The following SLC6A11 variants were observed in gnomAD, a reference collection of about 807,000 sequenced individuals.
SLC6A11 encodes the protein sodium- and chloride-dependent GABA transporter 3.
SLC6A11 carries 25 observed loss-of-function variants against 74.8 expected under a neutral mutation model. That is an observed-to-expected ratio of 0.33 (90% CI 0.24 to 0.47). The LOEUF (loss-of-function observed/expected upper bound fraction) is 0.47, where lower values mean the gene tolerates loss of function less well. Ranked by LOEUF, SLC6A11 falls within the 20% of genes least tolerant of loss-of-function variation. The pLI is 1.00. For missense variants in SLC6A11, 574 were observed against 837.0 expected, an observed-to-expected ratio of 0.69 and a Z score of 3.88; for synonymous variants, 330 against 330.2, an observed-to-expected ratio of 1.00 and a Z score of 0.01.
intron 7 of SLC6A11, among the ~76,000 whole-genome samples, chr3:10,913,794 C>T (rs1025981095): frequency 3.3e-5 from 5 of 152,174 alleles, no homozygotes; most frequent in East Asian, 3.9e-4. Flanking sequence ...CCCAGGTTCA[C>T]GCCATTCTCC....
At chr3:10,920,254 T>A (rs3774081) in intron 8 of SLC6A11, among the ~76,000 whole-genome samples, 12,840 of 152,250 alleles carry the variant, frequency 0.084, 684 homozygotes, top group African/African-American at 0.15. Context: ...GGACTTTTTC[T>A]TATTCAAATT....
intron 5 of SLC6A11, among the ~76,000 whole-genome samples, chr3:10,871,959 C>T (rs532430179): frequency 1.3e-5 from 2 of 152,284 alleles, no homozygotes; most frequent in South Asian, 4.1e-4. Context: ...CCACAGGACC[C>T]ACTATCACCA....
intron 6 of SLC6A11, among the ~76,000 whole-genome samples, chr3:10,907,737 A>C (rs546532751): frequency 6.6e-6 from 1 of 152,358 alleles, no homozygotes; most frequent in Non-Finnish European, 1.5e-5. Context: ...TACTCAGGAA[A>C]AGAAAAAGAG....
intron 6 of SLC6A11, 129 bp downstream of exon 6, chr3:10,875,224 G>T: frequency 5.8e-6 from 4 of 687,362 alleles, no homozygotes; most frequent in Non-Finnish European, 8.6e-6. Context: ...CTCTTTCCCA[G>T]AATAATTTTA....
intron 4 of SLC6A11, among the ~76,000 whole-genome samples, chr3:10,832,997 T>C (rs1694317198): frequency 6.6e-6 from 1 of 152,148 alleles, no homozygotes; most frequent in Non-Finnish European, 1.5e-5. Flanking sequence ...CTGGTGGCCA[T>C]CCCTGAAGCA....
chr3:10,935,585 C>G (rs1695750243), intron 13 of SLC6A11, among the ~76,000 whole-genome samples: 1 of 152,180 alleles, frequency 6.6e-6, no homozygotes, highest in Non-Finnish European at 1.5e-5. Flanking sequence ...TGTCACTGTG[C>G]CAGGCCGTCT....
chr3:10,822,668 G>A (rs1447961658), intron 3 of SLC6A11, among the ~76,000 whole-genome samples: 1 of 152,120 alleles, frequency 6.6e-6, no homozygotes, highest in Non-Finnish European at 1.5e-5. Context: ...TGAACACTAG[G>A]TTGCTTTTAC....
intron 13 of SLC6A11, among the ~76,000 whole-genome samples, chr3:10,937,219 G>A (rs1284538757): frequency 6.6e-6 from 1 of 152,164 alleles, no homozygotes; most frequent in Admixed American, 6.5e-5. Context: ...CTTTACAGAT[G>A]AGGAAACTGA....
chr3:10,872,072 T>C (rs1444633971), intron 5 of SLC6A11, among the ~76,000 whole-genome samples: 1 of 152,170 alleles, frequency 6.6e-6, no homozygotes, highest in Non-Finnish European at 1.5e-5. Flanking sequence ...ATCTCATCTC[T>C]AAAATGGAAA....
chr3:10,831,394 T>A (rs998782000), intron 4 of SLC6A11, among the ~76,000 whole-genome samples: 1 of 152,210 alleles, frequency 6.6e-6, no homozygotes, highest in Non-Finnish European at 1.5e-5. Context: ...AAATATGATA[T>A]GTATTAGATA....
intron 6 of SLC6A11, 109 bp from the exon 7 acceptor site, chr3:10,911,981 G>T: frequency 1.3e-6 from 1 of 766,098 alleles, no homozygotes. Flanking sequence ...ATCCCTTATG[G>T]AGTTTTTCTG....
chr3:10,820,432 G>A (rs1459637617), intron 3 of SLC6A11, among the ~76,000 whole-genome samples: 1 of 152,180 alleles, frequency 6.6e-6, no homozygotes, highest in Non-Finnish European at 1.5e-5. Context: ...CTTCCTGCTT[G>A]ACAGCAGTGG....
intron 6 of SLC6A11, among the ~76,000 whole-genome samples, chr3:10,910,735 A>G (rs1180507829): frequency 6.6e-6 from 1 of 151,944 alleles, no homozygotes. Context: ...TGGTTTGGGC[A>G]CATTACTCAA....
At chr3:10,843,145 T>G (rs887828409) in intron 4 of SLC6A11, among the ~76,000 whole-genome samples, 2 of 152,078 alleles carry the variant, frequency 1.3e-5, no homozygotes, top group Admixed American at 6.6e-5. Flanking sequence ...GTGGCGAGTT[T>G]GACTTTAAAG....
chr3:10,855,301 AT>A (rs1694625825), intron 5 of SLC6A11, among the ~76,000 whole-genome samples: 1 of 152,196 alleles, frequency 6.6e-6, no homozygotes, highest in Admixed American at 6.5e-5. Flanking sequence ...CTTGAGATCA[AT>A]TTTTAGTGGC....
chr3:10,923,607 C>A (rs1575705196), intron 8 of SLC6A11, among the ~76,000 whole-genome samples: 1 of 152,196 alleles, frequency 6.6e-6, no homozygotes, highest in South Asian at 2.1e-4. Flanking sequence ...AGGGAAATAT[C>A]AAATCACCAT....
At chr3:10,898,134 C>CT (rs1695192901) in intron 6 of SLC6A11, among the ~76,000 whole-genome samples, 2 of 152,308 alleles carry the variant, frequency 1.3e-5, no homozygotes, top group East Asian at 3.9e-4. Context: ...AACAGGAACT[C>CT]TGAGACCAGC....
At chr3:10,848,860 TTATTTTACAAA>T (rs1694538366) in intron 5 of SLC6A11, among the ~76,000 whole-genome samples, 1 of 152,208 alleles carries the variant, frequency 6.6e-6, no homozygotes, top group Admixed American at 6.5e-5. Flanking sequence ...AGGACCAAAT[TTATTTTACAAA>T]TAAGGCCCAG....
chr3:10,837,550 G>A (rs2106581306), intron 4 of SLC6A11, among the ~76,000 whole-genome samples: 1 of 152,302 alleles, frequency 6.6e-6, no homozygotes, highest in South Asian at 2.1e-4. Flanking sequence ...TCTGTAGAGT[G>A]GAAATAATAG....
Sources: allele counts gnomAD v4.1 joint callset (sites outside exome capture counted in the v4.1 genomes callset), GRCh38; gene constraint gnomAD v4.1.1; transcripts MANE v1.5; gene names NCBI Gene and HGNC (gene_info 2026-07-23, HGNC 2026-07-21).